The following CEACAM6 variants were observed in gnomAD, a reference collection of about 807,000 sequenced individuals.
The protein encoded by CEACAM6 is CEA cell adhesion molecule 6, also known as cell adhesion molecule CEACAM6.
CEACAM6 carries 21 observed loss-of-function variants against 32.4 expected under a neutral mutation model. The ratio of observed to expected loss-of-function variants is 0.65; its 90% CI spans 0.46 to 0.93. The LOEUF is 0.93. Among genes scored for constraint, CEACAM6 ranks in the 40% least tolerant of loss-of-function variants. CEACAM6 has a pLI of 0.00. For synonymous variants in CEACAM6, 184 were observed against 174.4 expected, an observed-to-expected ratio of 1.06 and a Z score of -0.43; for missense variants, 406 against 432.2, an observed-to-expected ratio of 0.94 and a Z score of 0.54.
At chr19:41,770,451 T>C (rs915174634) in intron 5 of CEACAM6, among the ~76,000 whole-genome samples, 1 of 151,930 alleles carries the variant, frequency 6.6e-6, no homozygotes, top group African/African-American at 2.4e-5. Flanking sequence ...TGTGCATACA[T>C]AGGGCTATAC....
In CEACAM6 at chr19:41,756,592, T is replaced by C. The variant is rs1555821063; in HGVS notation, c.65-8T>C. The C allele has an allele frequency of 6.2e-7, 1 of 1,611,150 alleles. No individual in the cohort carries two copies. The highest frequency in any genetic ancestry group is 8.5e-7 in the Non-Finnish European group (1 of 1,178,234). ...CAATATTGACCGATGCTCTCTCCTCTCTCCTAGCCTCACTTCTAACCTTCT... is the reference window on the plus strand; with the variant it reads ...CAATATTGACCGATGCTCTCTCCTCCCTCCTAGCCTCACTTCTAACCTTCT... On this transcript the variant is annotated splice_polypyrimidine_tract_variant and splice_region_variant and intron_variant, in intron 1 of 5. Coordinates refer to ENST00000199764, the MANE Select transcript of CEACAM6 (RefSeq NM_002483.7).
chr19:41,763,351 A>T (rs1200692182), intron 4 of CEACAM6, among the ~76,000 whole-genome samples: 2 of 151,840 alleles, frequency 1.3e-5, no homozygotes, highest in Non-Finnish European at 2.9e-5. Flanking sequence ...CCCCATCATC[A>T]CCCATCTCCA....
chr19:41,762,180 C>T lies in CEACAM6; in HGVS notation c.915C>T (p.Ala305=). The change falls in exon 4 of 6, where the codon GCC becomes GCT. Residue 305 remains alanine (A), a synonymous_variant. Coordinates refer to ENST00000199764, the MANE Select transcript of CEACAM6 (RefSeq NM_002483.7). ...GSYMCQAHNS[A]TGLNRTTVTM... ...ATATGTGCCAAGCCCATAACTCAGC[C>T]ACTGGCCTCAATAGGACCACAGTCA... 6.2e-7 allele frequency: 1 copy of T among 1,614,176 alleles called. No individual in the cohort carries two copies. The highest frequency in any genetic ancestry group is 8.5e-7 in the Non-Finnish European group (1 of 1,180,030).
intron 4 of CEACAM6, among the ~76,000 whole-genome samples, chr19:41,763,771 T>A (rs1178453918): frequency 6.6e-6 from 1 of 152,148 alleles, no homozygotes; most frequent in African/African-American, 2.4e-5. Flanking sequence ...ACGGCAATCT[T>A]CTCTCTGTTT....
At chr19:41,761,853 G>T (rs1375668870) in intron 3 of CEACAM6, 116 bp from the exon 4 acceptor site, 3 of 1,323,274 alleles carry the variant, frequency 2.3e-6, no homozygotes, top group Non-Finnish European at 3.1e-6. Context: ...GCGGGGGTTT[G>T]GTTGAGACTT....
chr19:41,759,136 T>G (rs562279229), intron 2 of CEACAM6, among the ~76,000 whole-genome samples: 1 of 152,272 alleles, frequency 6.6e-6, no homozygotes, highest in South Asian at 2.1e-4. Context: ...CCTCCAGTCA[T>G]TCCCCAGGAC....
chr19:41,768,984 T>G (rs1346453473), intron 5 of CEACAM6, among the ~76,000 whole-genome samples: 1 of 152,162 alleles, frequency 6.6e-6, no homozygotes, highest in Non-Finnish European at 1.5e-5. Flanking sequence ...TTTCACTAGT[T>G]GCCCAGGCTG....
In CEACAM6 at chr19:41,768,658, A is replaced by C. The variant is rs532699749; in HGVS notation, c.*41-2144A>C. Among the ~76,000 whole-genome samples the C allele has an allele frequency of 3.4e-3, 516 of 151,456 alleles. 6 individuals carry two copies. Among genetic ancestry groups the C allele is most frequent in the African/African-American group, 0.012 (501 of 41,284 alleles). ...TGGTGGCCAGGCAGAGGGGCTCCTC[A>C]CTTCCCAGTAGGGGCGGCCGGGCAG... On this transcript the variant is annotated intron_variant, in intron 5 of 5. Coordinates refer to ENST00000199764, the MANE Select transcript of CEACAM6 (RefSeq NM_002483.7).
rs1410687806 is a variant in CEACAM6, at chr19:41,771,985, G to C, written c.*1224G>C. The C allele has an allele frequency of 4.0e-5, 6 of 151,084 alleles. No individual in the cohort carries two copies. The highest frequency in any genetic ancestry group is 1.5e-4 in the African/African-American group (6 of 41,142). The allele number at this position is 151,084 out of a possible 1,614,324, so 9.4% of individuals were successfully genotyped here. A position where few individuals can be genotyped will look rare whatever the true frequency, so the allele number is the denominator to read the frequency against. On this transcript the variant is annotated 3_prime_UTR_variant, in exon 6 of 6. Transcript: ENST00000199764. The stretch of plus-strand genomic sequence containing the variant: ...AGGAGATTCCAGTCTACTTGAGTTA[G>C]CATAATACAGAAGTCCCCTCTACTT...
At chr19:41,765,906 A>G (rs1244742253) in intron 4 of CEACAM6, among the ~76,000 whole-genome samples, 2 of 152,246 alleles carry the variant, frequency 1.3e-5, no homozygotes. Context: ...ATAAAAATAT[A>G]GAAAGTTCTA....
At position 41,762,162 on chromosome 19, in the gene CEACAM6, C is replaced by T. The variant is rs371263448; in HGVS notation, c.897C>T (p.Cys299=). ...ITVNNSGSYM[C]QAHNSATGLN... is the part of the protein sequence containing the mutation. ...TGAATAATAGCGGATCCTATATGTG[C>T]CAAGCCCATAACTCAGCCACTGGCC... Residue 299 remains cysteine, a synonymous_variant, in exon 4 of 6, where the codon TGC becomes TGT. Coordinates refer to ENST00000199764, the MANE Select transcript of CEACAM6 (RefSeq NM_002483.7). The T allele has an allele frequency of 6.2e-7, 1 of 1,614,158 alleles. No homozygotes were observed.
intron 4 of CEACAM6, among the ~76,000 whole-genome samples, chr19:41,762,552 C>T (rs2072933149): frequency 6.6e-6 from 1 of 152,292 alleles, no homozygotes; most frequent in East Asian, 1.9e-4. Flanking sequence ...CAAGTTCCTG[C>T]TCTCTGTCAC....
chr19:41,756,488 ACACACG>A, intron 1 of CEACAM6, 106 bp from the exon 2 acceptor site: 1 of 1,456,854 alleles, frequency 6.9e-7, no homozygotes, highest in South Asian at 1.3e-5. Context: ...ACACACACAC[ACACACG>A]CTCCAACGTG....
At chr19:41,765,227 T>G (rs940439972) in intron 4 of CEACAM6, among the ~76,000 whole-genome samples, 1 of 152,220 alleles carries the variant, frequency 6.6e-6, no homozygotes, top group Non-Finnish European at 1.5e-5. Context: ...ATGGAAATAA[T>G]GTCTACCCAA....
chr19:41,762,312 CTG>C (rs1431779905), intron 4 of CEACAM6, 89 bp downstream of exon 4: 2 of 1,510,732 alleles, frequency 1.3e-6, no homozygotes, highest in Non-Finnish European at 1.8e-6. Flanking sequence ...CTTTCCCAAC[CTG>C]TGTCCAAGGG....
intron 2 of CEACAM6, among the ~76,000 whole-genome samples, chr19:41,759,983 G>T (rs116182425): frequency 6.6e-6 from 1 of 152,144 alleles, no homozygotes; most frequent in South Asian, 2.1e-4. Context: ...GGTGCTAAAC[G>T]GGTAAGTCTA....
chr19:41,760,357 A>G (rs529229746), intron 2 of CEACAM6, among the ~76,000 whole-genome samples: 4 of 152,234 alleles, frequency 2.6e-5, no homozygotes, highest in Admixed American at 6.5e-5. Context: ...CATATCTGTC[A>G]AACACACATG....
At chr19:41,769,311 T>G (rs1301048016) in intron 5 of CEACAM6, among the ~76,000 whole-genome samples, 1 of 152,172 alleles carries the variant, frequency 6.6e-6, no homozygotes, top group African/African-American at 2.4e-5. Context: ...AAATTGCTTC[T>G]TCATTGAGGA....
Position 41,761,463 on chromosome 19 carries a change from T to A in CEACAM6, c.639T>A (p.Tyr213Ter). 1 of 1,614,198 alleles carries A rather than the reference T, an allele frequency of 6.2e-7. No homozygotes were observed. The highest frequency in any genetic ancestry group is 8.5e-7 in the Non-Finnish European group (1 of 1,180,042). ...LSVKRNDAGS[Y>*]ECEIQNPASA... ...TCAAAAGGAACGATGCAGGATCCTA[T>A]GAATGTGAAATACAGAACCCAGCGA... The change falls in exon 3 of 6, where the codon TAT becomes TAA. Residue 213 changes from tyrosine to a stop codon, truncating the protein, a stop_gained. Coordinates refer to ENST00000199764, the MANE Select transcript of CEACAM6 (RefSeq NM_002483.7). LOFTEE classifies it high-confidence loss of function.
Sources: gnomAD v4.1 joint callset for allele counts (sites outside exome capture counted in the v4.1 genomes callset) on GRCh38, gnomAD v4.1.1 for gene constraint, MANE v1.5 for transcripts, NCBI Gene and HGNC (gene_info 2026-07-23, HGNC 2026-07-21) for gene names.